Variants in WDR72 observed in about 807,000 individuals in gnomAD.
The protein encoded by WDR72 is WD repeat-containing protein 72.
In WDR72, 120 loss-of-function variants were observed where a neutral mutation model predicts 124.2. The observed-to-expected ratio is 0.97, with a 90% confidence interval of 0.83 to 1.12. WDR72 has a LOEUF of 1.12. Among genes scored for constraint, WDR72 ranks in the 50% most tolerant of loss-of-function variants. The pLI, the probability that WDR72 is intolerant of heterozygous loss-of-function variation, is 0.00. For missense variants in WDR72, 1,387 were observed against 1,278.8 expected, an observed-to-expected ratio of 1.08 and a Z score of -1.29; for synonymous variants, 452 against 441.7, an observed-to-expected ratio of 1.02 and a Z score of -0.29.
intron 13 of WDR72, among the ~76,000 whole-genome samples, chr15:53,667,377 G>T (rs917494345): frequency 6.6e-6 from 1 of 151,820 alleles, no homozygotes; most frequent in Non-Finnish European, 1.5e-5. Context: ...CACAAAGTTC[G>T]TCACAATGGT....
intron 16 of WDR72, 113 bp downstream of exon 16, chr15:53,613,553 A>G: frequency 2.7e-6 from 2 of 738,562 alleles, no homozygotes; most frequent in South Asian, 1.6e-5. Context: ...GGTAAAATCT[A>G]TGTTTTATAT....
At chr15:53,632,459 A>G (rs574865178) in intron 14 of WDR72, among the ~76,000 whole-genome samples, 1 of 152,114 alleles carries the variant, frequency 6.6e-6, no homozygotes. Flanking sequence ...AAGAACCTCT[A>G]CTAGAGCACT....
At chr15:53,722,991 G>C (rs2017922113) in intron 2 of WDR72, 83 bp from the exon 3 acceptor site, 3 of 1,302,978 alleles carry the variant, frequency 2.3e-6, no homozygotes, top group Admixed American at 3.4e-5. Flanking sequence ...TCATAACTCT[G>C]ATTAGGAAAT....
intron 1 of WDR72, among the ~76,000 whole-genome samples, chr15:53,746,415 TA>T: frequency 6.6e-6 from 1 of 152,262 alleles, no homozygotes; most frequent in Admixed American, 6.5e-5. Flanking sequence ...GACAGCCCAC[TA>T]GAAACACAAA....
chr15:53,665,955 C>T (rs2015765413), intron 13 of WDR72, among the ~76,000 whole-genome samples, 187 bp from the exon 14 acceptor site: 1 of 152,294 alleles, frequency 6.6e-6, no homozygotes, highest in Non-Finnish European at 1.5e-5. Flanking sequence ...AAAGTCTGAA[C>T]TTATGGATTT....
chr15:53,576,627 T>A (rs2011630236), intron 18 of WDR72, among the ~76,000 whole-genome samples: 1 of 152,082 alleles, frequency 6.6e-6, no homozygotes, highest in South Asian at 2.1e-4. Flanking sequence ...CATACAGAAT[T>A]TTTCAACTTA....
intron 14 of WDR72, among the ~76,000 whole-genome samples, chr15:53,634,080 C>T (rs1434993729): frequency 1.3e-5 from 2 of 152,058 alleles, no homozygotes; most frequent in Non-Finnish European, 2.9e-5. Context: ...GATAATGTGC[C>T]CTCCTGAGTA....
chr15:53,715,455 T>G (rs2017676869), intron 4 of WDR72, 88 bp from the exon 5 acceptor site: 1 of 1,495,884 alleles, frequency 6.7e-7, no homozygotes, highest in African/African-American at 1.4e-5. Context: ...AGACTTTAGT[T>G]TTAGCATATG....
chr15:53,636,967 G>A (rs929796265), intron 14 of WDR72, among the ~76,000 whole-genome samples: 9 of 152,032 alleles, frequency 5.9e-5, no homozygotes, highest in African/African-American at 1.9e-4. Context: ...CCATAATTAA[G>A]TTCTAGAACA....
chr15:53,661,292 T>C (rs1337918789), intron 14 of WDR72, among the ~76,000 whole-genome samples: 1 of 152,160 alleles, frequency 6.6e-6, no homozygotes, highest in Non-Finnish European at 1.5e-5. Context: ...GGACATCTGG[T>C]GAAGGCCTCA....
chr15:53,596,729 T>C (rs374636844), intron 18 of WDR72, among the ~76,000 whole-genome samples: 50 of 152,212 alleles, frequency 3.3e-4, no homozygotes, highest in African/African-American at 9.9e-4. Context: ...CTTCAAACAT[T>C]TGACAATTAT....
intron 14 of WDR72, among the ~76,000 whole-genome samples, chr15:53,642,097 A>G (rs1291932781): frequency 6.6e-6 from 1 of 151,966 alleles, no homozygotes; most frequent in African/African-American, 2.4e-5. Context: ...GAATAAGTTA[A>G]ATGGTTTTTC....
intron 17 of WDR72, among the ~76,000 whole-genome samples, chr15:53,600,630 A>C (rs537793002): frequency 6.6e-6 from 1 of 152,200 alleles, no homozygotes; most frequent in African/African-American, 2.4e-5. Context: ...GTAAAATAGC[A>C]TAGAGCATCA....
At chr15:53,729,310 G>T (rs1019252231) in intron 2 of WDR72, among the ~76,000 whole-genome samples, 1 of 152,040 alleles carries the variant, frequency 6.6e-6, no homozygotes, top group Non-Finnish European at 1.5e-5. Flanking sequence ...CATAGTCCCT[G>T]TCCCTGATGT....
intron 14 of WDR72, among the ~76,000 whole-genome samples, chr15:53,636,662 A>G (rs1047404192): frequency 2.6e-5 from 4 of 152,210 alleles, no homozygotes; most frequent in African/African-American, 9.6e-5. Context: ...TATGTCTAAG[A>G]CTAAGTGCAA....
intron 13 of WDR72, among the ~76,000 whole-genome samples, chr15:53,675,783 G>A (rs1440342505): frequency 1.3e-5 from 2 of 152,156 alleles, no homozygotes; most frequent in African/African-American, 2.4e-5. Flanking sequence ...CTGGGAAGAG[G>A]AAGAGTATTG....
intron 3 of WDR72, among the ~76,000 whole-genome samples, chr15:53,718,544 T>A (rs544297517): frequency 2.0e-5 from 3 of 152,070 alleles, no homozygotes; most frequent in African/African-American, 7.2e-5. Context: ...CCTATCAATT[T>A]TGCTTAATAA....
intron 18 of WDR72, among the ~76,000 whole-genome samples, chr15:53,563,913 C>T (rs1270805679): frequency 6.6e-6 from 1 of 151,780 alleles, no homozygotes; most frequent in African/African-American, 2.4e-5. Flanking sequence ...ATAGTAAAAG[C>T]CGCTATGCTG....
chr15:53,617,605 TAAG>T (rs762645105), intron 14 of WDR72, among the ~76,000 whole-genome samples: 3 of 151,736 alleles, frequency 2.0e-5, no homozygotes, highest in Non-Finnish European at 2.9e-5. Flanking sequence ...TGCAAATCAA[TAAG>T]AAGAGGCTCT....
Sources: allele counts gnomAD v4.1 joint callset (sites outside exome capture counted in the v4.1 genomes callset), GRCh38; gene constraint gnomAD v4.1.1; transcripts MANE v1.5; gene names NCBI Gene and HGNC (gene_info 2026-07-23, HGNC 2026-07-21).